The following AGBL4 variants were observed in gnomAD, a reference collection of about 807,000 sequenced individuals.
The protein encoded by AGBL4 is cytosolic carboxypeptidase 6.
Under a neutral mutation model 66.4 loss-of-function variants are expected in AGBL4, and 58 were observed. The ratio of observed to expected loss-of-function variants is 0.87; its 90% CI spans 0.71 to 1.09. The LOEUF is 1.09. Among genes scored for constraint, AGBL4 ranks in the 50% least tolerant of loss-of-function variants. The pLI, the probability that AGBL4 is intolerant of heterozygous loss-of-function variation, is 0.00. For missense variants in AGBL4, 579 were observed against 631.0 expected (o/e 0.92, Z 0.88); for synonymous variants, 234 against 222.9 (o/e 1.05, Z -0.44).
At chr1:49,419,509 A>C (rs1005416786) in intron 3 of AGBL4, among the ~76,000 whole-genome samples, 1 of 152,186 alleles carries the variant, frequency 6.6e-6, no homozygotes, top group African/African-American at 2.4e-5. Flanking sequence ...AATGAAAAAA[A>C]ATATTTTCTG....
chr1:49,153,246 T>C (rs1262873214), intron 4 of AGBL4, among the ~76,000 whole-genome samples: 1 of 152,110 alleles, frequency 6.6e-6, no homozygotes, highest in East Asian at 1.9e-4. Context: ...GATAAGGAGT[T>C]TCAGGCCTGC....
chr1:48,722,111 ATTGT>A (rs977923512), intron 6 of AGBL4, among the ~76,000 whole-genome samples: 23 of 95,362 alleles, frequency 2.4e-4, no homozygotes, highest in African/African-American at 9.7e-4. Context: ...AAATCTGGTT[ATTGT>A]TTGTTTATTT....
rs58109952 is a variant in AGBL4, at chr1:48,773,790, G to T, written c.634+93401C>A. On this transcript the variant is annotated intron_variant, in intron 6 of 13. Transcript: ENST00000371839. ...GCTGTAGGCAAGTCTCTGAGCTTCG[G>T]TGTCCTCATCTATGAAATGGAAATA... Among the ~76,000 whole-genome samples the T allele has an allele frequency of 2.2e-3, 335 of 152,290 alleles. 14 individuals carry two copies. The East Asian group carries it at 0.059, about 27-fold the overall frequency.
intron 9 of AGBL4, among the ~76,000 whole-genome samples, chr1:48,616,777 C>T (rs1486989406): frequency 6.6e-6 from 1 of 152,210 alleles, no homozygotes; most frequent in Non-Finnish European, 1.5e-5. Flanking sequence ...TCACAAAAGT[C>T]ATAACCCAAG....
intron 1 of AGBL4, among the ~76,000 whole-genome samples, chr1:49,889,538 C>G (rs1055217236): frequency 6.6e-6 from 1 of 151,872 alleles, no homozygotes; most frequent in Non-Finnish European, 1.5e-5. Context: ...AGTTGGGTCA[C>G]AAGGTCAGGA....
intron 2 of AGBL4, among the ~76,000 whole-genome samples, chr1:49,780,068 TG>T (rs758395615): frequency 1.3e-5 from 2 of 151,966 alleles, no homozygotes; most frequent in Non-Finnish European, 2.9e-5. Flanking sequence ...CAGATAAAAA[TG>T]GAGTGAATTT....
chr1:49,488,930 A>T (rs1557987915), intron 3 of AGBL4, among the ~76,000 whole-genome samples: 1 of 151,810 alleles, frequency 6.6e-6, no homozygotes, highest in Non-Finnish European at 1.5e-5. Flanking sequence ...TTATCCATTC[A>T]TCTGTTGATG....
At chr1:49,411,069 T>C (rs916634623) in intron 3 of AGBL4, among the ~76,000 whole-genome samples, 8 of 151,992 alleles carry the variant, frequency 5.3e-5, no homozygotes, top group Non-Finnish European at 8.8e-5. Context: ...GTCTGCAAGG[T>C]GAGGAAGAAA....
At chr1:48,756,797 G>A (rs1305292204) in intron 6 of AGBL4, among the ~76,000 whole-genome samples, 1 of 152,214 alleles carries the variant, frequency 6.6e-6, no homozygotes, top group Non-Finnish European at 1.5e-5. Context: ...CAGGATGCCT[G>A]TAGCCCTGAG....
At chr1:49,215,193 T>C (rs1648988485) in intron 4 of AGBL4, among the ~76,000 whole-genome samples, 2 of 152,122 alleles carry the variant, frequency 1.3e-5, no homozygotes, top group African/African-American at 2.4e-5. Context: ...GTTCTGTTCC[T>C]CATGTGCTCT....
At chr1:50,023,047 C>T (rs1211949056) in intron 1 of AGBL4, among the ~76,000 whole-genome samples, 1 of 152,090 alleles carries the variant, frequency 6.6e-6, no homozygotes, top group Non-Finnish European at 1.5e-5. Context: ...TGTGGACATG[C>T]ACTCCTTTGA....
chr1:49,372,645 T>C (rs1252181662), intron 3 of AGBL4, among the ~76,000 whole-genome samples: 1 of 139,472 alleles, frequency 7.2e-6, no homozygotes, highest in African/African-American at 3.1e-5. Context: ...CTTTCTTTCT[T>C]TCTTTCTTTC....
intron 3 of AGBL4, among the ~76,000 whole-genome samples, chr1:49,473,220 A>G (rs1049049749): frequency 1.6e-4 from 24 of 152,076 alleles, no homozygotes; most frequent in African/African-American, 5.8e-4. Flanking sequence ...AAATCTCCAA[A>G]CTGCTTCCCA....
chr1:49,846,348 C>T (rs1571702752), intron 2 of AGBL4: 1 of 1,536,438 alleles, frequency 6.5e-7, no homozygotes, highest in Non-Finnish European at 9.0e-7. Context: ...TATGGAAAGA[C>T]CTTTACACAC....
At chr1:49,608,243 G>C (rs1174193685) in intron 3 of AGBL4, among the ~76,000 whole-genome samples, 2 of 152,084 alleles carry the variant, frequency 1.3e-5, no homozygotes, top group Non-Finnish European at 2.9e-5. Context: ...CTAATGCACT[G>C]CTCATATTAA....
At chr1:48,601,548 G>A (rs1645073608) in intron 9 of AGBL4, among the ~76,000 whole-genome samples, 1 of 152,178 alleles carries the variant, frequency 6.6e-6, no homozygotes, top group African/African-American at 2.4e-5. Flanking sequence ...GGAGCTTGGG[G>A]ACAAGCTTAC....
chr1:49,502,341 C>T (rs1442740800), intron 3 of AGBL4, among the ~76,000 whole-genome samples: 2 of 152,120 alleles, frequency 1.3e-5, no homozygotes, highest in African/African-American at 2.4e-5. Flanking sequence ...CCTTAATAAA[C>T]TCCTCTTCAT....
intron 1 of AGBL4, among the ~76,000 whole-genome samples, chr1:49,958,752 T>C (rs1348326345): frequency 6.6e-6 from 1 of 151,618 alleles, no homozygotes; most frequent in Non-Finnish European, 1.5e-5. Context: ...ATATGACGAT[T>C]TAATGGGTGG....
chr1:48,960,254 G>A (rs549309209), intron 5 of AGBL4, among the ~76,000 whole-genome samples: 1 of 152,224 alleles, frequency 6.6e-6, no homozygotes, highest in South Asian at 2.1e-4. Context: ...AATAAAAGAT[G>A]ATTTCAAAAT....
Sources: gnomAD v4.1 joint callset for allele counts (sites outside exome capture counted in the v4.1 genomes callset) on GRCh38, gnomAD v4.1.1 for gene constraint, MANE v1.5 for transcripts, NCBI Gene and HGNC (gene_info 2026-07-23, HGNC 2026-07-21) for gene names.